GSE1: variants seen among roughly 807,000 people sequenced by gnomAD.
The protein encoded by GSE1 is genetic suppressor element 1.
A neutral mutation model predicts 112.6 loss-of-function variants in GSE1; 32 were observed. The observed-to-expected ratio is 0.28, with a 90% CI of 0.21 to 0.38. GSE1 has a LOEUF of 0.38. Ranked by LOEUF, GSE1 falls within the 10% of genes least tolerant of loss-of-function variation. The probability of loss-of-function intolerance (pLI) is 1.00; values close to 1 mark genes in which losing one functional copy is unlikely to be tolerated. For missense variants in GSE1, 2,348 were observed against 1,699.2 expected (o/e 1.38, Z -6.71); for synonymous variants, 1,115 against 735.6 (o/e 1.52, Z -8.35).
chr16:85,348,161 A>T (rs1395809655), intron 1 of GSE1, among the ~76,000 whole-genome samples: 1 of 151,982 alleles, frequency 6.6e-6, no homozygotes, highest in African/African-American at 2.4e-5. Context: ...CCATCCATCC[A>T]TCATCCATCC....
At chr16:85,233,830 C>A (rs1309029297) in intron 1 of GSE1, among the ~76,000 whole-genome samples, 2 of 152,180 alleles carry the variant, frequency 1.3e-5, no homozygotes, top group Non-Finnish European at 2.9e-5. Flanking sequence ...GCCTGCTCAG[C>A]CCAAGTGGCC....
chr16:85,375,077 C>T lies in GSE1; in HGVS notation c.2464+17434C>T, dbSNP rs112226757. On this transcript the variant is annotated intron_variant, in intron 2 of 2. Coordinates refer to the GSE1 transcript ENST00000637419. ...CCACCTAATCTCTCTGCACTGCTGC[C>T]GGCCATCAAGGGGAGTCAGCAGCCC... is the stretch of plus-strand genomic sequence containing the variant. Among the ~76,000 whole-genome samples, 387 of 152,296 alleles carry T rather than the reference C, an allele frequency of 2.5e-3. 2 individuals are homozygous for T. Among genetic ancestry groups the T allele is most frequent in the African/African-American group, 8.8e-3 (365 of 41,566 alleles).
upstream of GSE1, among the ~76,000 whole-genome samples, chr16:85,612,884 G>A (rs2151550332): frequency 6.6e-6 from 1 of 152,210 alleles, no homozygotes; most frequent in Admixed American, 6.5e-5. Flanking sequence ...TGCGAGACAG[G>A]GCTCCGCTCA....
intron 1 of GSE1, among the ~76,000 whole-genome samples, chr16:85,222,708 G>A (rs1356246072): frequency 6.6e-6 from 1 of 152,154 alleles, no homozygotes; most frequent in Non-Finnish European, 1.5e-5. Context: ...ACGTGTCTCC[G>A]TCTCTGCGTG....
At chr16:85,351,130 G>A (rs2151559735) in intron 1 of GSE1, among the ~76,000 whole-genome samples, 1 of 152,308 alleles carries the variant, frequency 6.6e-6, no homozygotes, top group Middle Eastern at 3.4e-3. Context: ...GAGTAGCCAA[G>A]ACCTGGGGCA....
At chr16:85,555,828 CTCTT>C (rs1330363120), upstream of GSE1, 176 of 854,228 alleles carry the variant, frequency 2.1e-4, 1 homozygote, top group African/African-American at 3.1e-3. Flanking sequence ...TCCCCCCTCT[CTCTT>C]TTCCTTTCAA....
intron 1 of GSE1, among the ~76,000 whole-genome samples, chr16:85,282,031 C>CTTT (rs747822787): frequency 2.1e-5 from 3 of 142,796 alleles, no homozygotes; most frequent in African/African-American, 5.1e-5. Flanking sequence ...GTTTTCTTTT[C>CTTT]TTTTTTTTTT....
chr16:85,517,115 T>A (rs1209485067), intron 2 of GSE1, among the ~76,000 whole-genome samples: 1 of 152,214 alleles, frequency 6.6e-6, no homozygotes, highest in Non-Finnish European at 1.5e-5. Flanking sequence ...GTTCTGGATG[T>A]TCCTGGTGGG....
Position 85,672,473 on chromosome 16 carries a change from A to T in GSE1, c.3588A>T (p.Leu1196Phe), listed in dbSNP as rs1182563781. 2 of 1,611,684 alleles carry T rather than the reference A, an allele frequency of 1.2e-6. No individual in the cohort carries two copies. Among genetic ancestry groups the T allele is most frequent in the Non-Finnish European group, 1.7e-6 (2 of 1,178,038 alleles). The change falls in exon 16 of 16, where the codon TTA (leucine) becomes TTT (phenylalanine). Residue 1196 changes from leucine to phenylalanine, a missense_variant. Coordinates refer to ENST00000253458, the MANE Select transcript of GSE1 (RefSeq NM_014615.5). ...RERLQAELDH[L>F]RKCLALPAMH... ...GGCTCCAGGCAGAACTGGACCACTT[A>T]CGAAAGTGCCTTGCCTTGCCTGCAA... is the stretch of plus-strand genomic sequence containing the variant.
At chr16:85,470,033 C>T (rs9937073) in intron 2 of GSE1, among the ~76,000 whole-genome samples, 108,089 of 152,162 alleles carry the variant, frequency 0.71, 38,664 homozygotes, top group East Asian at 0.84. Context: ...AATGCCACCC[C>T]CTCCACTGCC....
At chr16:85,421,900 G>A (rs1314181781) in intron 2 of GSE1, among the ~76,000 whole-genome samples, 1 of 152,112 alleles carries the variant, frequency 6.6e-6, no homozygotes, top group African/African-American at 2.4e-5. Context: ...TTCAAGGCCG[G>A]CCTCCTCTGG....
rs147542796 is a variant in GSE1, at chr16:85,284,218, G to A, written c.2284-73245G>A. 1.3e-4 allele frequency among the ~76,000 whole-genome samples: 20 copies of A among 152,362 alleles called. No individual in the cohort carries two copies. In the East Asian group the frequency reaches 3.9e-3, roughly 29 times the overall value. On this transcript the variant is annotated intron_variant, in intron 1 of 2. Coordinates refer to the GSE1 transcript ENST00000637419. ...CTGCCCGGCGGGTCGTGCTTTAGCT[G>A]TCGCTGTAGGGCGACTCTTGGCGTG...
At chr16:85,200,489 G>GCCTCCAACT (rs1452257803) in intron 1 of GSE1, among the ~76,000 whole-genome samples, 13 of 152,068 alleles carry the variant, frequency 8.5e-5, no homozygotes, top group African/African-American at 2.7e-4. Context: ...ATGCAGTGGA[G>GCCTCCAACT]GCAGAGCCTG....
At chr16:85,192,417 T>C (rs768712527) in intron 1 of GSE1, among the ~76,000 whole-genome samples, 2 of 152,254 alleles carry the variant, frequency 1.3e-5, no homozygotes, top group Admixed American at 6.5e-5. Flanking sequence ...GTTAGAGCAA[T>C]GTGCCAAGCA....
chr16:85,406,261 T>C (rs1318232379), intron 2 of GSE1, among the ~76,000 whole-genome samples: 12 of 162 alleles, frequency 0.074, 3 homozygotes, highest in African/African-American at 0.073. Flanking sequence ...TAATCCTCAC[T>C]GTTACTCTCA....
intron 2 of GSE1, among the ~76,000 whole-genome samples, chr16:85,480,807 C>T (rs1361827205): frequency 6.6e-6 from 1 of 152,214 alleles, no homozygotes; most frequent in Non-Finnish European, 1.5e-5. Context: ...CCTGACATCC[C>T]AGCGCCTGCT....
chr16:85,395,087 A>C (rs1482444987), intron 2 of GSE1, among the ~76,000 whole-genome samples: 1 of 152,146 alleles, frequency 6.6e-6, no homozygotes, highest in Non-Finnish European at 1.5e-5. Flanking sequence ...GCACCTAAGC[A>C]TAGGGAGGTT....
At chr16:85,370,131 G>A (rs983359744) in intron 2 of GSE1, among the ~76,000 whole-genome samples, 5 of 152,158 alleles carry the variant, frequency 3.3e-5, no homozygotes, top group African/African-American at 7.2e-5. Flanking sequence ...GCAGTTTAGC[G>A]TTTTCCCAGG....
intron 3 of GSE1, among the ~76,000 whole-genome samples, chr16:85,650,969 T>C (rs1467400857): frequency 1.3e-5 from 2 of 150,992 alleles, no homozygotes; most frequent in African/African-American, 4.9e-5. Context: ...TAACAGGGCA[T>C]GTCCCGCCTG....
Sources: gnomAD v4.1 joint callset for allele counts (sites outside exome capture counted in the v4.1 genomes callset) on GRCh38, gnomAD v4.1.1 for gene constraint, MANE v1.5 for transcripts, NCBI Gene and HGNC (gene_info 2026-07-23, HGNC 2026-07-21) for gene names.